ABCC4: variants seen among roughly 807,000 people sequenced by gnomAD.
ABCC4 encodes ATP binding cassette subfamily C member 4 (PEL blood group).
In ABCC4, 102 loss-of-function variants were observed where a neutral mutation model predicts 168.5. That is an observed-to-expected ratio of 0.61 (90% confidence interval 0.52 to 0.71). The LOEUF (loss-of-function observed/expected upper bound fraction) is 0.71, where lower values mean the gene tolerates loss of function less well. Among genes scored for constraint, ABCC4 ranks in the 30% least tolerant of loss-of-function variants. The pLI is 0.00. For missense variants in ABCC4, 1,402 were observed against 1,605.8 expected (o/e 0.87, Z 2.17); for synonymous variants, 617 against 590.7 (o/e 1.04, Z -0.65).
chr13:95,233,334 T>G (rs1057471123), intron 4 of ABCC4, among the ~76,000 whole-genome samples: 1 of 92,410 alleles, frequency 1.1e-5, no homozygotes, highest in Non-Finnish European at 2.3e-5. Context: ...AAAAAAAAAA[T>G]CATGTCCTTT....
chr13:95,218,927 G>GAAAGAA (rs376118275), intron 4 of ABCC4, among the ~76,000 whole-genome samples: 2 of 42,438 alleles, frequency 4.7e-5, no homozygotes, highest in East Asian at 5.4e-4. Context: ...GAGAAAGAAA[G>GAAAGAA]AGAAAGAAAG....
intron 11 of ABCC4, among the ~76,000 whole-genome samples, chr13:95,179,518 A>C (rs1594244908): frequency 6.6e-6 from 1 of 152,218 alleles, no homozygotes; most frequent in African/African-American, 2.4e-5. Flanking sequence ...GACAAAGCAT[A>C]ATACTTTTTT....
At chr13:95,109,025 G>C (rs1333950994) in intron 20 of ABCC4, among the ~76,000 whole-genome samples, 1 of 152,138 alleles carries the variant, frequency 6.6e-6, no homozygotes, top group East Asian at 1.9e-4. Flanking sequence ...GATTATTTAT[G>C]TTTATTGGTC....
chr13:95,108,846 C>T (rs1202519785), intron 20 of ABCC4, among the ~76,000 whole-genome samples: 1 of 151,962 alleles, frequency 6.6e-6, no homozygotes, highest in East Asian at 1.9e-4. Context: ...AGACCTGGCA[C>T]CTGTTCCTCC....
chr13:95,145,567 T>C (rs980364823), intron 19 of ABCC4, among the ~76,000 whole-genome samples: 14 of 147,484 alleles, frequency 9.5e-5, no homozygotes, highest in African/African-American at 3.3e-4. Context: ...GAGGTTACAG[T>C]GAGCTGAGAT....
At chr13:95,177,936 C>G (rs1323381183) in intron 12 of ABCC4, 61 bp downstream of exon 12, 1 of 1,561,616 alleles carries the variant, frequency 6.4e-7, no homozygotes, top group Non-Finnish European at 8.8e-7. Flanking sequence ...GTCCTATGTG[C>G]TCACCACCAC....
rs200530494 is a variant in ABCC4, at chr13:95,058,495, G to A, written c.3366+4209C>T. Among the ~76,000 whole-genome samples the A allele has an allele frequency of 2.1e-5, 3 of 140,532 alleles. No individual in the cohort carries two copies. The East Asian group carries it at 6.7e-4, about 31-fold the overall frequency. The allele number at this position is 140,532 out of a possible 152,430, so 92.2% of individuals were successfully genotyped here. A position where few individuals can be genotyped will look rare whatever the true frequency, so the allele number is the denominator to read the frequency against. On this transcript the variant is annotated intron_variant, in intron 26 of 30. Transcript: ENST00000645237. ...GAGGCAGGAGAATCGCTTGAACCCAGGAGGCAGATATTGCAGTGAGCTGAG... is the reference window on the plus strand; with the variant it reads ...GAGGCAGGAGAATCGCTTGAACCCAAGAGGCAGATATTGCAGTGAGCTGAG...
intron 1 of ABCC4, chr13:95,269,254 T>C: frequency 2.2e-6 from 1 of 452,702 alleles, no homozygotes; most frequent in Non-Finnish European, 4.4e-6. Context: ...TGATTTGCCA[T>C]ACCTAAATCT....
chr13:95,157,929 G>C (rs547312785), intron 19 of ABCC4, among the ~76,000 whole-genome samples: 42 of 152,096 alleles, frequency 2.8e-4, no homozygotes, highest in African/African-American at 9.9e-4. Context: ...AAAATTAGCC[G>C]GGCGTGGTGG....
chr13:95,296,179 CACACAAAA>C (rs1286102246), intron 1 of ABCC4, among the ~76,000 whole-genome samples: 18 of 36,196 alleles, frequency 5.0e-4, no homozygotes, highest in Non-Finnish European at 8.7e-4. Context: ...CACACACACA[CACACAAAA>C]ACACAAAATT....
At chr13:95,103,958 T>G (rs1220288752) in intron 20 of ABCC4, among the ~76,000 whole-genome samples, 1 of 152,108 alleles carries the variant, frequency 6.6e-6, no homozygotes, top group Non-Finnish European at 1.5e-5. Context: ...CTCCCCTACA[T>G]GGCTCAGGAA....
rs67671921 is a variant in ABCC4, at chr13:95,157,088, C to CCACACACACACACACA, written c.2455+4085_2455+4100dup. ...GCCTGGGCGACAGAGTGAGACTCTA[C>CCACACACACACACACA]CACACACACACACACACACACACAC... On this transcript the variant is annotated intron_variant, in intron 19 of 30. Transcript: ENST00000645237. 3.2e-3 allele frequency among the ~76,000 whole-genome samples: 437 copies of CCACACACACACACACA among 134,692 alleles called. 4 individuals are homozygous for CCACACACACACACACA. Among genetic ancestry groups the CCACACACACACACACA allele is most frequent in the African/African-American group, 8.5e-3 (284 of 33,544 alleles). The allele number at this position is 134,692 out of a possible 152,430, so 88.4% of individuals were successfully genotyped here.
Position 95,161,296 on chromosome 13 carries a change from G to T in ABCC4, c.2348C>A (p.Ser783Tyr). 3 of 1,598,586 alleles carry T rather than the reference G, an allele frequency of 1.9e-6. No individual in the cohort carries two copies. The highest frequency in any genetic ancestry group is 1.7e-6 in the Non-Finnish European group (2 of 1,176,170). ...AACAAGGACGTAGAATACCAATAGAGATCTTGCTATGCCAAAAAGAACGGT... is the reference window on the plus strand; with the variant it reads ...AACAAGGACGTAGAATACCAATAGATATCTTGCTATGCCAAAAAGAACGGT... ...VATVLFGIARSLLVFYVLVNS... is the reference protein window; with the variant it reads ...VATVLFGIARYLLVFYVLVNS... The change falls in exon 19 of 31, where the codon TCT (serine) becomes TAT (tyrosine). Residue 783 changes from serine (S) to tyrosine (Y), a missense_variant. Physicochemically the swap from Ser to Tyr is moderately radical, Grantham distance 144 (BLOSUM62 -2). Coordinates refer to ENST00000645237, the MANE Select transcript of ABCC4 (RefSeq NM_005845.5).
intron 19 of ABCC4, among the ~76,000 whole-genome samples, chr13:95,138,971 T>C (rs2036227186): frequency 6.6e-6 from 1 of 152,164 alleles, no homozygotes; most frequent in African/African-American, 2.4e-5. Context: ...TGAGAGATCC[T>C]TCAAGGCTCG....
intron 4 of ABCC4, among the ~76,000 whole-genome samples, chr13:95,217,935 C>A (rs188855780): frequency 4.6e-5 from 7 of 152,202 alleles, no homozygotes; most frequent in South Asian, 2.1e-4. Context: ...GTCAGGCTAT[C>A]AGGTATCTCT....
rs182268995 is a variant in ABCC4, at chr13:95,242,931, C to T, written c.306+4044G>A. ...GTTGAACTGGGAAGAGCTTTAGCTCCCTGAACTTCACTGCATCGGAACTAA... is the reference window on the plus strand; with the variant it reads ...GTTGAACTGGGAAGAGCTTTAGCTCTCTGAACTTCACTGCATCGGAACTAA... On this transcript the variant is annotated intron_variant, in intron 3 of 30. Transcript: ENST00000645237. Among the ~76,000 whole-genome samples the T allele has an allele frequency of 4.3e-4, 66 of 152,230 alleles. No homozygotes were observed. The Middle Eastern group carries it at 0.01, about 24-fold the overall frequency.
At chr13:95,084,443 A>G (rs2034193385) in intron 20 of ABCC4, among the ~76,000 whole-genome samples, 1 of 152,198 alleles carries the variant, frequency 6.6e-6, no homozygotes, top group African/African-American at 2.4e-5. Context: ...GAGTTCATTA[A>G]CATGCCCAAT....
At chr13:95,162,468 G>A (rs114131389) in intron 18 of ABCC4, among the ~76,000 whole-genome samples, 1,732 of 152,266 alleles carry the variant, frequency 0.011, 46 homozygotes, top group African/African-American at 0.038. Context: ...AGAGTGTGGC[G>A]TTAATATTAG....
At chr13:95,174,813 G>C (rs1469545575) in intron 13 of ABCC4, among the ~76,000 whole-genome samples, 1 of 152,206 alleles carries the variant, frequency 6.6e-6, no homozygotes, top group Non-Finnish European at 1.5e-5. Flanking sequence ...AATGAGGAGG[G>C]AGCAGGAAAC....
Sources: gnomAD v4.1 joint callset for allele counts (sites outside exome capture counted in the v4.1 genomes callset) on GRCh38, gnomAD v4.1.1 for gene constraint, MANE v1.5 for transcripts, NCBI Gene and HGNC (gene_info 2026-07-23, HGNC 2026-07-21) for gene names.